YJU2B: variants seen among roughly 807,000 people sequenced by gnomAD.
The protein encoded by YJU2B is probable splicing factor YJU2B.
In YJU2B, 18 loss-of-function variants were observed where a neutral mutation model predicts 38.0. The observed-to-expected ratio is 0.47, with a 90% CI of 0.33 to 0.70. YJU2B has a LOEUF of 0.70. Among genes scored for constraint, YJU2B ranks in the 30% least tolerant of loss-of-function variants. The pLI, the probability that YJU2B is intolerant of heterozygous loss-of-function variation, is 0.02. For synonymous variants in YJU2B, 246 were observed against 225.4 expected (o/e 1.09, Z -0.82); for missense variants, 538 against 556.3 (o/e 0.97, Z 0.33).
rs1284895078 is a variant in YJU2B, at chr19:13,747,897, C to A, written c.-259C>A. ...GCGCGGAGAGGGCGCCCAGGTTCAC[C>A]GCGCTCTCAGCGCGCACTTCCGGGC... On this transcript the variant is annotated 5_prime_UTR_variant, in exon 1 of 10. Transcript: ENST00000221554. 3.3e-5 allele frequency: 5 copies of A among 152,380 alleles called. No individual in the cohort carries two copies. The highest frequency in any genetic ancestry group is 3.9e-4 in the East Asian group (2 of 5,190). 9.4% of individuals were successfully genotyped at this position (152,380 alleles called of 1,614,324 possible).
Sources: gnomAD v4.1 joint callset for allele counts on GRCh38, gnomAD v4.1.1 for gene constraint, MANE v1.5 for transcripts, NCBI Gene and HGNC (gene_info 2026-07-23, HGNC 2026-07-21) for gene names.